PTPRC: variants seen among roughly 807,000 people sequenced by gnomAD.
PTPRC encodes protein tyrosine phosphatase receptor type C.
A neutral mutation model predicts 155.9 loss-of-function variants in PTPRC; 44 were observed. The observed-to-expected ratio is 0.28, with a 90% CI of 0.22 to 0.36. PTPRC has a LOEUF of 0.36. PTPRC is among the 10% of genes least tolerant of loss of function. PTPRC has a pLI of 1.00. For synonymous variants in PTPRC, 525 were observed against 533.1 expected (o/e 0.98, Z 0.21); for missense variants, 1,401 against 1,564.6 (o/e 0.90, Z 1.76).
At chr1:198,713,169 G>A in intron 12 of PTPRC, 97 bp downstream of exon 12, 1 of 1,548,348 alleles carries the variant, frequency 6.5e-7, no homozygotes, top group Admixed American at 1.7e-5. Context: ...AAAGCTCTCT[G>A]CTTAGAGACT....
chr1:198,705,225 C>T (rs563946281), intron 8 of PTPRC, among the ~76,000 whole-genome samples: 1 of 151,992 alleles, frequency 6.6e-6, no homozygotes, highest in South Asian at 2.1e-4. Context: ...CCACTGGAGT[C>T]ACTGCCTTCA....
intron 2 of PTPRC, among the ~76,000 whole-genome samples, chr1:198,652,757 C>T (rs980297258): frequency 6.6e-6 from 1 of 151,630 alleles, no homozygotes; most frequent in African/African-American, 2.4e-5. Context: ...GGTTCTCACC[C>T]ATAGGAAGAT....
chr1:198,753,730 T>A (rs976679680), intron 31 of PTPRC, among the ~76,000 whole-genome samples: 1 of 152,090 alleles, frequency 6.6e-6, no homozygotes, highest in Non-Finnish European at 1.5e-5. Flanking sequence ...TACTTCTCAT[T>A]GTTTGGTAAA....
chr1:198,689,689 C>T (rs1665821826), intron 2 of PTPRC, among the ~76,000 whole-genome samples: 1 of 152,144 alleles, frequency 6.6e-6, no homozygotes, highest in Non-Finnish European at 1.5e-5. Context: ...TTGATTTCTC[C>T]TTTGCACTTA....
intron 6 of PTPRC, 115 bp from the exon 7 acceptor site, chr1:198,703,183 G>A (rs565675827): frequency 3.2e-5 from 46 of 1,419,248 alleles, no homozygotes; most frequent in African/African-American, 2.3e-4. Flanking sequence ...CAAATCAAAC[G>A]AGGACTCCTA....
intron 22 of PTPRC, 135 bp downstream of exon 22, chr1:198,734,560 T>A: frequency 1.2e-6 from 1 of 813,578 alleles, no homozygotes; most frequent in Non-Finnish European, 2.1e-6. Flanking sequence ...TGTTAACATT[T>A]AATTTAAAAT....
intron 3 of PTPRC, among the ~76,000 whole-genome samples, chr1:198,696,254 T>C (rs753215358): frequency 1.3e-5 from 2 of 150,764 alleles, no homozygotes; most frequent in Non-Finnish European, 3.0e-5. Context: ...TTTTTTCCCC[T>C]GGAACCCTAG....
chr1:198,684,077 CTTCAAT>C (rs1245017680), intron 2 of PTPRC, among the ~76,000 whole-genome samples: 1 of 151,752 alleles, frequency 6.6e-6, no homozygotes, highest in Non-Finnish European at 1.5e-5. Flanking sequence ...AAATCAAAGA[CTTCAAT>C]TTGACCATCA....
At chr1:198,709,550 T>A (rs1653176610) in intron 10 of PTPRC, 137 bp from the exon 11 acceptor site, 1 of 779,342 alleles carries the variant, frequency 1.3e-6, no homozygotes, top group Non-Finnish European at 1.8e-6. Flanking sequence ...TTAGGGTTTT[T>A]TATTATTTTG....
chr1:198,702,139 T>G (rs577859825), intron 5 of PTPRC, among the ~76,000 whole-genome samples: 1 of 152,342 alleles, frequency 6.6e-6, no homozygotes, highest in South Asian at 2.1e-4. Context: ...AACTATATAT[T>G]TTTTTAAGTT....
At chr1:198,687,341 TTCTA>T (rs1177358291) in intron 2 of PTPRC, among the ~76,000 whole-genome samples, 11 of 152,182 alleles carry the variant, frequency 7.2e-5, no homozygotes, top group Non-Finnish European at 1.5e-4. Context: ...GCACAGTGGC[TTCTA>T]TCTATGATTT....
intron 14 of PTPRC, 112 bp downstream of exon 14, chr1:198,718,414 G>A (rs1356587766): frequency 2.1e-5 from 20 of 931,158 alleles, no homozygotes; most frequent in Non-Finnish European, 3.2e-5. Flanking sequence ...AAGCTCTGAT[G>A]TGTAATGGAA....
rs370653017 is a variant in PTPRC, at chr1:198,727,810, G to T, written c.1721-530G>T. 1.4e-4 allele frequency among the ~76,000 whole-genome samples: 22 copies of T among 152,202 alleles called. 1 individual carries two copies. The East Asian group carries it at 3.1e-3, about 21-fold the overall frequency. On this transcript the variant is annotated intron_variant, in intron 15 of 32. Coordinates refer to ENST00000442510, the MANE Select transcript of PTPRC (RefSeq NM_002838.5). ...AAACTTAGTGAATATTTAAGTCAGG[G>T]TAAGTCTTATCCTAACTATAGAATG...
At chr1:198,709,652 T>C (rs768428027) in intron 10 of PTPRC, 35 bp from the exon 11 acceptor site, 1 of 1,461,616 alleles carries the variant, frequency 6.8e-7, no homozygotes, top group East Asian at 2.3e-5. Flanking sequence ...AAATATTGCA[T>C]CGATATATTC....
chr1:198,718,018 A>C, intron 13 of PTPRC, 76 bp from the exon 14 acceptor site: 1 of 1,194,804 alleles, frequency 8.4e-7, no homozygotes, highest in Non-Finnish European at 1.2e-6. Context: ...ACTTTATACT[A>C]TATCCAAGTA....
rs1196444628 is a variant in PTPRC at position 198,708,214 on chromosome 1, A to T, written c.986A>T (p.Glu329Val). 4 of 1,606,390 alleles carry T rather than the reference A, an allele frequency of 2.5e-6. No individual in the cohort carries two copies. The highest frequency in any genetic ancestry group is 3.4e-6 in the Non-Finnish European group (4 of 1,173,680). Residue 329 changes from glutamate to valine, a missense_variant, in exon 10 of 33, where the codon GAA becomes GTA. Coordinates refer to ENST00000442510, the MANE Select transcript of PTPRC (RefSeq NM_002838.5). ...ATTTGTTTAAAATGGAAAAATATTGAAACCTTTACTTGTGATACACAGAAT... is the reference window on the plus strand; with the variant it reads ...ATTTGTTTAAAATGGAAAAATATTGTAACCTTTACTTGTGATACACAGAAT... The part of the protein sequence containing the change: ...TTICLKWKNI[E>V]TFTCDTQNIT...
chr1:198,733,484 TCTTGTGAC>T (rs1654489418), intron 20 of PTPRC, among the ~76,000 whole-genome samples: 1 of 151,828 alleles, frequency 6.6e-6, no homozygotes, highest in African/African-American at 2.4e-5. Flanking sequence ...AATGTTGAAT[TCTTGTGAC>T]CCATGTTTCA....
At chr1:198,722,538 A>T in intron 15 of PTPRC, 62 bp downstream of exon 15, 1 of 962,390 alleles carries the variant, frequency 1.0e-6, no homozygotes, top group Admixed American at 3.3e-5. Flanking sequence ...TTATAAAGCT[A>T]TATTATTTTA....
intron 3 of PTPRC, 103 bp from the exon 4 acceptor site, chr1:198,696,609 A>G (rs1413869287): frequency 2.1e-6 from 2 of 933,282 alleles, no homozygotes; most frequent in Non-Finnish European, 3.6e-6. Context: ...ATGTACATAC[A>G]CACTATAGTG....
Sources: gnomAD v4.1 joint callset for allele counts (sites outside exome capture counted in the v4.1 genomes callset) on GRCh38, gnomAD v4.1.1 for gene constraint, MANE v1.5 for transcripts, NCBI Gene and HGNC (gene_info 2026-07-23, HGNC 2026-07-21) for gene names.